The following C11orf65 variants were observed in gnomAD, a reference collection of about 807,000 sequenced individuals.
C11orf65 encodes protein MFI.
Under a neutral mutation model 35.3 loss-of-function variants are expected in C11orf65, and 38 were observed. The observed-to-expected ratio is 1.08, with a 90% CI of 0.83 to 1.41. The LOEUF is 1.41. Ranked by LOEUF, C11orf65 falls within the 40% of genes most tolerant of loss-of-function variation. The probability of loss-of-function intolerance (pLI) is 0.00; values close to 1 mark genes in which losing one functional copy is unlikely to be tolerated. For missense variants in C11orf65, 370 were observed against 367.1 expected (o/e 1.01, Z -0.06); for synonymous variants, 105 against 114.4 (o/e 0.92, Z 0.53).
intron 6 of C11orf65, among the ~76,000 whole-genome samples, chr11:108,318,410 G>A (rs990098495): frequency 6.6e-6 from 1 of 151,576 alleles, no homozygotes; most frequent in African/African-American, 2.4e-5. Flanking sequence ...TCAGGGCTGG[G>A]CACAGTGTGG....
Position 108,332,737 on chromosome 11 carries a change from A to G in C11orf65, c.300-1170T>C, listed in dbSNP as rs2136558012. ...TTAAATGTTGGGTAGTTCCTTATGTAATGTTTTTTGTTTTTTATTAATAGG... is the reference window on the plus strand; with the variant it reads ...TTAAATGTTGGGTAGTTCCTTATGTGATGTTTTTTGTTTTTTATTAATAGG... On this transcript the variant is annotated intron_variant, in intron 3 of 3. Coordinates refer to the C11orf65 transcript ENST00000524755. 1.2e-5 allele frequency: 19 copies of G among 1,606,748 alleles called. No individual in the cohort carries two copies. Among genetic ancestry groups the G allele is most frequent in the Non-Finnish European group, 1.6e-5 (19 of 1,177,230 alleles).
chr11:108,468,575 T>A (rs2093560498), upstream of C11orf65, among the ~76,000 whole-genome samples: 1 of 152,210 alleles, frequency 6.6e-6, no homozygotes, highest in South Asian at 2.1e-4. Flanking sequence ...TTTCCCTGTA[T>A]AATGAAAACA....
chr11:108,319,426 A>G (rs1365814354), intron 6 of C11orf65, among the ~76,000 whole-genome samples: 1 of 152,062 alleles, frequency 6.6e-6, no homozygotes, highest in African/African-American at 2.4e-5. Flanking sequence ...CTTTTCCCCC[A>G]GTTACCATGC....
chr11:108,415,161 A>G (rs1450328552), intron 3 of C11orf65, among the ~76,000 whole-genome samples: 3 of 152,160 alleles, frequency 2.0e-5, no homozygotes, highest in South Asian at 2.1e-4. Flanking sequence ...AGCTAATGCA[A>G]TAAGACAAGA....
rs778014061 is a variant in C11orf65, at chr11:108,365,034, G to A, written c.226+28174C>T. ...CTGGTTCTACTGTTTCTAAGTATGT[G>A]ATTAAAATGTACATTGTTCTTTTAA... On this transcript the variant is annotated intron_variant, in intron 2 of 3. Coordinates refer to the C11orf65 transcript ENST00000524755. The A allele has an allele frequency of 1.6e-5, 25 of 1,596,772 alleles. No individual in the cohort carries two copies. The highest frequency in any genetic ancestry group is 2.0e-5 in the Non-Finnish European group (23 of 1,166,066).
rs1454953881 is a variant in C11orf65 at position 108,467,519 on chromosome 11, G to T, written c.-58C>A. 6.6e-6 allele frequency: 1 copy of T among 152,302 alleles called. No homozygotes were observed. The highest frequency in any genetic ancestry group is 2.4e-5 in the African/African-American group (1 of 41,444). 9.4% of individuals were successfully genotyped at this position (152,302 alleles called of 1,614,324 possible). On this transcript the variant is annotated 5_prime_UTR_variant, in exon 1 of 9. Coordinates refer to ENST00000393084, the MANE Select transcript of C11orf65 (RefSeq NM_152587.5). ...GCTGGACTCCTAGGTAACGTCGCAG[G>T]CGGAAATGACGTAACTCAATCCGTT...
chr11:108,323,104 A>G (rs2085350904), intron 6 of C11orf65, among the ~76,000 whole-genome samples: 2 of 152,238 alleles, frequency 1.3e-5, no homozygotes, highest in Admixed American at 6.5e-5. Context: ...CCTTTATGCA[A>G]AAATAAAATT....
intron 2 of C11orf65, among the ~76,000 whole-genome samples, chr11:108,443,451 A>G (rs1026155192): frequency 6.6e-6 from 1 of 152,180 alleles, no homozygotes; most frequent in Non-Finnish European, 1.5e-5. Flanking sequence ...CCAGGAATTG[A>G]ACTCAGCTCT....
intron 3 of C11orf65, among the ~76,000 whole-genome samples, chr11:108,428,563 A>C (rs1342056492): frequency 2.6e-5 from 4 of 152,348 alleles, no homozygotes; most frequent in Non-Finnish European, 4.4e-5. Context: ...ACACAGGAAC[A>C]GAAAACCAGA....
rs376572054 is a variant in C11orf65 at position 108,366,780 on chromosome 11, C to G, written c.226+26428G>C. 12 of 230,498 alleles carry G rather than the reference C, an allele frequency of 5.2e-5. No individual in the cohort carries two copies. The highest frequency in any genetic ancestry group is 2.4e-4 in the African/African-American group (11 of 45,198). 14.3% of individuals were successfully genotyped at this position (230,498 alleles called of 1,614,324 possible). On this transcript the variant is annotated intron_variant, in intron 2 of 3. Coordinates refer to the C11orf65 transcript ENST00000524755. ...CAGAATATTTGATTGATGCCTTTTT[C>G]ACTGAGAGTATAAGCTTCCATGTGT...
At chr11:108,320,213 C>G (rs2085103493) in intron 6 of C11orf65, among the ~76,000 whole-genome samples, 1 of 152,200 alleles carries the variant, frequency 6.6e-6, no homozygotes, top group South Asian at 2.1e-4. Context: ...ATTCTCTGCC[C>G]TCCTTCAAAA....
intron 2 of C11orf65, among the ~76,000 whole-genome samples, chr11:108,450,119 A>G (rs2093326149): frequency 6.6e-6 from 1 of 152,018 alleles, no homozygotes; most frequent in South Asian, 2.1e-4. Context: ...CGATCATTAA[A>G]AAGTCAGGAA....
chr11:108,331,410 GT>G, exon 4 of C11orf65: 1 of 1,599,322 alleles, frequency 6.3e-7, no homozygotes, highest in East Asian at 2.3e-5. Flanking sequence ...GAAATACCTT[GT>G]TTCTTAATTT....
chr11:108,335,797 A>T lies in C11orf65; in HGVS notation c.227-505T>A, dbSNP rs142021102. On this transcript the variant is annotated intron_variant, in intron 2 of 3. Coordinates refer to the C11orf65 transcript ENST00000524755. ...TATTCTCAGATGACTCTGTGTTTTT[A>T]TAATAAAATAAACTGTACTTGTTTA... The T allele has an allele frequency of 4.7e-6, 7 of 1,482,178 alleles. No individual in the cohort carries two copies. The African/African-American group carries it at 9.7e-5, about 21-fold the overall frequency. The allele number at this position is 1,482,178 out of a possible 1,614,324, so 91.8% of individuals were successfully genotyped here. A position where few individuals can be genotyped will look rare whatever the true frequency, so the allele number is the denominator to read the frequency against.
At position 108,321,856 on chromosome 11, in the gene C11orf65, T is replaced by TAGC. The variant is rs959734519; in HGVS notation, c.641-12788_641-12786dup. 2.5e-4 allele frequency among the ~76,000 whole-genome samples: 38 copies of TAGC among 152,224 alleles called. 1 individual carries two copies. Among genetic ancestry groups the TAGC allele is most frequent in the Admixed American group, 6.5e-5 (1 of 15,284 alleles). ...TCCTTTTATCAAGATATAAGTTGATTAGCCCTAGTGAATTGTGCTTTTATT... is the reference window on the plus strand; with the variant it reads ...TCCTTTTATCAAGATATAAGTTGATTAGCAGCCCTAGTGAATTGTGCTTTTATT... On this transcript the variant is annotated intron_variant, in intron 6 of 6. Transcript: ENST00000525729.
chr11:108,383,006 T>C lies in C11orf65; in HGVS notation c.*15A>G, dbSNP rs773486976. On this transcript the variant is annotated 3_prime_UTR_variant, in exon 9 of 9. Transcript: ENST00000393084. ...AGGCTCAAAGGGCTATAACTCAGAATAGAAATAAAGTACTTTATAGTCCAT... is the reference window on the plus strand; with the variant it reads ...AGGCTCAAAGGGCTATAACTCAGAACAGAAATAAAGTACTTTATAGTCCAT... The C allele has an allele frequency of 1.7e-5, 27 of 1,610,724 alleles. No individual in the cohort carries two copies. The highest frequency in any genetic ancestry group is 2.3e-5 in the Non-Finnish European group (27 of 1,179,032).
At chr11:108,434,691 T>C (rs1042560153) in intron 2 of C11orf65, among the ~76,000 whole-genome samples, 2 of 152,150 alleles carry the variant, frequency 1.3e-5, no homozygotes, top group Admixed American at 6.5e-5. Context: ...AATTGATTAT[T>C]TGGAACACTT....
chr11:108,467,064 G>A (rs557140798), intron 1 of C11orf65, among the ~76,000 whole-genome samples: 20 of 152,230 alleles, frequency 1.3e-4, no homozygotes, highest in South Asian at 8.3e-4. Context: ...AATGGGAGGG[G>A]GCAAAGGAAA....
chr11:108,394,276 T>C (rs138193251), intron 6 of C11orf65, among the ~76,000 whole-genome samples: 97 of 151,198 alleles, frequency 6.4e-4, no homozygotes, highest in African/African-American at 2.3e-3. Flanking sequence ...AGTTAAAATA[T>C]CATTCAAAGC....
Sources: allele counts gnomAD v4.1 joint callset (sites outside exome capture counted in the v4.1 genomes callset), GRCh38; gene constraint gnomAD v4.1.1; transcripts MANE v1.5; gene names NCBI Gene and HGNC (gene_info 2026-07-23, HGNC 2026-07-21).